ATMIN: variants seen among roughly 807,000 people sequenced by gnomAD.
The protein encoded by ATMIN is ATM interactor.
Under a neutral mutation model 49.2 loss-of-function variants are expected in ATMIN, and 24 were observed. The ratio of observed to expected loss-of-function variants is 0.49; its 90% CI spans 0.35 to 0.69. The LOEUF is 0.69. Ranked by LOEUF, ATMIN falls within the 30% of genes least tolerant of loss-of-function variation. ATMIN has a pLI of 0.00. For missense variants in ATMIN, 1,037 were observed against 1,005.5 expected (o/e 1.03, Z -0.42); for synonymous variants, 450 against 392.5 (o/e 1.15, Z -1.73).
At chr16:81,039,010 G>A (rs141777729) in intron 1 of ATMIN, among the ~76,000 whole-genome samples, 55 of 152,258 alleles carry the variant, frequency 3.6e-4, no homozygotes, top group Non-Finnish European at 1.5e-4. Flanking sequence ...TGGTCGGGCT[G>A]GTCTTGAACT....
At position 81,041,358 on chromosome 16, in the gene ATMIN, T is replaced by C; in HGVS notation, c.339T>C (p.Asp113=). 6.2e-7 allele frequency: 1 copy of C among 1,602,836 alleles called. No homozygotes were observed. The highest frequency in any genetic ancestry group is 8.5e-7 in the Non-Finnish European group (1 of 1,177,246). The part of the protein sequence containing the change: ...MHLVKSHRLQ[D]GIVNPTIRKD... ...TTAAAGTAATTTTCCTTTTGCAGGA[T>C]GGCATAGTCAATCCAACAATAAGAA... The change falls in exon 2 of 4, where the codon GAT becomes GAC. Residue 113 remains aspartate, a splice_region_variant and synonymous_variant. Coordinates refer to ENST00000299575, the MANE Select transcript of ATMIN (RefSeq NM_015251.3).
Position 81,044,008 on chromosome 16 carries a change from G to T in ATMIN, c.1510G>T (p.Asp504Tyr). ...CAGTGGGATAGAAAGTCCAACGGATGACCATGTACAGATGGACCAAGCTGG... is the reference window on the plus strand; with the variant it reads ...CAGTGGGATAGAAAGTCCAACGGATTACCATGTACAGATGGACCAAGCTGG... ...QTSGIESPTD[D>Y]HVQMDQAGMC... The change falls in exon 4 of 4, where the codon GAC becomes TAC. Residue 504 changes from aspartate (D) to tyrosine (Y), a missense_variant. By Grantham distance (160) the Asp-to-Tyr change is radical. Transcript: ENST00000299575. 1 of 1,614,164 alleles carries T rather than the reference G, an allele frequency of 6.2e-7. No individual in the cohort carries two copies. The highest frequency in any genetic ancestry group is 1.1e-5 in the South Asian group (1 of 91,028).
intron 1 of ATMIN, among the ~76,000 whole-genome samples, chr16:81,037,741 T>G (rs996351749): frequency 6.6e-6 from 1 of 151,676 alleles, no homozygotes; most frequent in Non-Finnish European, 1.5e-5. Context: ...GTTCAAGCAG[T>G]TCTCCTGCCT....
At position 81,046,163 on chromosome 16, in the gene ATMIN, T is replaced by G. The variant is rs568746907; in HGVS notation, c.*1193T>G. The G allele has an allele frequency of 2.6e-5, 4 of 152,078 alleles. No homozygotes were observed. The highest frequency in any genetic ancestry group is 1.3e-4 in the Admixed American group (2 of 15,262). 9.4% of individuals were successfully genotyped at this position (152,078 alleles called of 1,614,324 possible). A position where few individuals can be genotyped will look rare whatever the true frequency, so the allele number is the denominator to read the frequency against. ...CAGAGTTGGGGGCTCTGGAGCTGTT[T>G]CCCCAAGTGCATCCACAAGCTGGAT... On this transcript the variant is annotated 3_prime_UTR_variant, in exon 4 of 4. Transcript: ENST00000299575.
rs199884781 is a variant in ATMIN, at chr16:81,044,847, C to A, written c.2349C>A (p.Asn783Lys). The part of the protein sequence containing the change: ...ETLGSLFFTS[N>K]ETQTAMDDFL... ...TGGGGAGCTTGTTCTTCACCAGCAA[C>A]GAAACTCAGACAGCAATGGATGACT... Residue 783 changes from asparagine (N) to lysine (K), a missense_variant, in exon 4 of 4, where the codon AAC becomes AAA. Transcript: ENST00000299575. The A allele has an allele frequency of 1.9e-6, 3 of 1,614,150 alleles. No individual in the cohort carries two copies. The highest frequency in any genetic ancestry group is 2.5e-6 in the Non-Finnish European group (3 of 1,180,030).
rs1349304286 is a variant in ATMIN at position 81,044,573 on chromosome 16, CT to C, written c.2076del (p.Asn693ThrfsTer3). 6.2e-7 allele frequency: 1 copy of C among 1,613,884 alleles called. No individual in the cohort carries two copies. Among genetic ancestry groups the C allele is most frequent in the Non-Finnish European group, 8.5e-7 (1 of 1,179,992 alleles). ...CAGTCCTATGGGTGTAGGGGAAATTCTAACTTCTTAGGCCTTGAGATGTTTG... is the reference window on the plus strand; with the variant it reads ...CAGTCCTATGGGTGTAGGGGAAATTCAACTTCTTAGGCCTTGAGATGTTTG... The part of the protein sequence containing the change: ...SAQSYGCRGN[S>X]NFLGLEMFDT... On this transcript the variant is annotated frameshift_variant, in exon 4 of 4. Coordinates refer to ENST00000299575, the MANE Select transcript of ATMIN (RefSeq NM_015251.3). LOFTEE classifies it high-confidence loss of function.
intron 1 of ATMIN, among the ~76,000 whole-genome samples, 194 bp downstream of exon 1, chr16:81,036,400 T>TG (rs1491452407): frequency 5.9e-5 from 9 of 151,720 alleles, no homozygotes; most frequent in South Asian, 2.1e-4. Flanking sequence ...GTGCGGCCTC[T>TG]GGGGGGGAGG....
Position 81,044,947 on chromosome 16 carries a change from CCA to C in ATMIN, c.2456_2457del (p.Thr819SerfsTer39). On this transcript the variant is annotated frameshift_variant, in exon 4 of 4. Transcript: ENST00000299575. LOFTEE classifies it high-confidence loss of function. ...SSVETQTSAE[P>X]HTVSNF ...TGTAGAAACCCAGACTTCTGCGGAACCACACACAGTCTCCAACTTCTAAAACT... is the reference window on the plus strand; with the variant it reads ...TGTAGAAACCCAGACTTCTGCGGAACCACACAGTCTCCAACTTCTAAAACT... The C allele has an allele frequency of 1.9e-6, 3 of 1,613,354 alleles. No individual in the cohort carries two copies. The highest frequency in any genetic ancestry group is 2.5e-6 in the Non-Finnish European group (3 of 1,179,360).
intron 1 of ATMIN, chr16:81,037,224 G>T: frequency 1.0e-6 from 1 of 985,466 alleles, no homozygotes; most frequent in Non-Finnish European, 1.2e-6. Flanking sequence ...GCAAGTCATT[G>T]AAAGCAGTTC....
intron 1 of ATMIN, chr16:81,040,794 A>T (rs936984350): frequency 6.4e-6 from 1 of 155,078 alleles, no homozygotes; most frequent in Admixed American, 6.3e-5. Flanking sequence ...GAGAAAGGTG[A>T]ATCTGATAAA....
At chr16:81,041,560 G>T in intron 2 of ATMIN, 79 bp downstream of exon 2, 1 of 1,516,154 alleles carries the variant, frequency 6.6e-7, no homozygotes, top group East Asian at 2.3e-5. Flanking sequence ...CATAACTACA[G>T]AATTGAGTAG....
Position 81,047,204 on chromosome 16 carries a change from G to C in ATMIN, c.*2234G>C, listed in dbSNP as rs887351979. Reference sequence around the variant, plus strand: ...TGAACCTGAATTATTTGTAAAAACTGAAATTTAATGATTAAAGAGAAGCCA... The same window carrying C: ...TGAACCTGAATTATTTGTAAAAACTCAAATTTAATGATTAAAGAGAAGCCA... On this transcript the variant is annotated 3_prime_UTR_variant, in exon 4 of 4. Coordinates refer to ENST00000299575, the MANE Select transcript of ATMIN (RefSeq NM_015251.3). 3 of 152,318 alleles carry C rather than the reference G, an allele frequency of 2.0e-5. No individual in the cohort carries two copies. Among genetic ancestry groups the C allele is most frequent in the Non-Finnish European group, 4.4e-5 (3 of 68,036 alleles). The allele number at this position is 152,318 out of a possible 1,614,324, so 9.4% of individuals were successfully genotyped here. A position where few individuals can be genotyped will look rare whatever the true frequency, so the allele number is the denominator to read the frequency against.
In ATMIN at chr16:81,043,304, C is replaced by T. The variant is rs1442003585; in HGVS notation, c.806C>T (p.Pro269Leu). The change falls in exon 4 of 4, where the codon CCA (proline) becomes CTA (leucine). Residue 269 changes from proline to leucine, a missense_variant. Transcript: ENST00000299575. ...GAAGCTTCAGAAATAAAGCTAGAAC[C>T]ATCTTTTGAAGACTCTTGTGGCTCT... ...ELEASEIKLEPSFEDSCGSNT... is the reference protein window; with the variant it reads ...ELEASEIKLELSFEDSCGSNT... 1.9e-6 allele frequency: 3 copies of T among 1,614,114 alleles called. No homozygotes were observed. Among genetic ancestry groups the T allele is most frequent in the Non-Finnish European group, 2.5e-6 (3 of 1,180,014 alleles).
intron 1 of ATMIN, among the ~76,000 whole-genome samples, chr16:81,039,497 G>A (rs1346579088): frequency 6.6e-6 from 1 of 152,154 alleles, no homozygotes; most frequent in Non-Finnish European, 1.5e-5. Context: ...AAACTGTAGA[G>A]TATGTGCCGC....
In ATMIN at chr16:81,041,595, C is replaced by T. The variant is rs1451392568; in HGVS notation, c.462+114C>T. On this transcript the variant is annotated intron_variant, in intron 2 of 3. Coordinates refer to ENST00000299575, the MANE Select transcript of ATMIN (RefSeq NM_015251.3). Reference sequence around the variant, plus strand: ...GACAGCTGCTTGTGAGGGGAGATGCCTGCGTGTCTCCCAGTTGGTATAAAC... The same window carrying T: ...GACAGCTGCTTGTGAGGGGAGATGCTTGCGTGTCTCCCAGTTGGTATAAAC... 8 of 1,322,384 alleles carry T rather than the reference C, an allele frequency of 6.0e-6. No homozygotes were observed. In the Admixed American group the frequency reaches 2.0e-4, roughly 32 times the overall value. 81.9% of individuals were successfully genotyped at this position (1,322,384 alleles called of 1,614,324 possible).
chr16:81,041,114 T>A, intron 1 of ATMIN: 1 of 398,378 alleles, frequency 2.5e-6, no homozygotes, highest in East Asian at 5.3e-5. Flanking sequence ...GGAATGTAAA[T>A]TGACTAAGAG....
Position 81,044,902 on chromosome 16 carries a change from A to G in ATMIN, c.2404A>G (p.Met802Val). The change falls in exon 4 of 4, where the codon ATG becomes GTG. Residue 802 changes from methionine to valine, a missense_variant. Coordinates refer to ENST00000299575, the MANE Select transcript of ATMIN (RefSeq NM_015251.3). ...FLLADLAWNT[M>V]ESQFSSVETQ... ...TCTGGCTGATCTGGCCTGGAACACG[A>G]TGGAGTCTCAGTTCAGCTCTGTAGA... 1 of 1,614,108 alleles carries G rather than the reference A, an allele frequency of 6.2e-7. No homozygotes were observed. The highest frequency in any genetic ancestry group is 2.2e-5 in the East Asian group (1 of 44,888).
At position 81,036,171 on chromosome 16, in the gene ATMIN, C is replaced by T. The variant is rs1442078697; in HGVS notation, c.301C>T (p.Leu101Phe). 14 of 1,474,922 alleles carry T rather than the reference C, an allele frequency of 9.5e-6. No individual in the cohort carries two copies. The highest frequency in any genetic ancestry group is 2.9e-5 in the East Asian group (1 of 34,078). 91.4% of individuals were successfully genotyped at this position (1,474,922 alleles called of 1,614,324 possible). A position where few individuals can be genotyped will look rare whatever the true frequency, so the allele number is the denominator to read the frequency against. ...CGKILPNSPA[L>F]NMHLVKSHRL... ...CAAGATCCTGCCCAACAGCCCCGCG[C>T]TCAACATGCACCTAGTCAAGAGCCA... Residue 101 changes from leucine to phenylalanine, a missense_variant, in exon 1 of 4, where the codon CTC becomes TTC. Coordinates refer to ENST00000299575, the MANE Select transcript of ATMIN (RefSeq NM_015251.3).
In ATMIN at chr16:81,044,562, T is replaced by C; in HGVS notation, c.2064T>C (p.Cys688=). 3.7e-6 allele frequency: 6 copies of C among 1,613,924 alleles called. No individual in the cohort carries two copies. The highest frequency in any genetic ancestry group is 4.2e-6 in the Non-Finnish European group (5 of 1,179,948). The change falls in exon 4 of 4, where the codon TGT becomes TGC. Residue 688 remains cysteine, a synonymous_variant. Coordinates refer to ENST00000299575, the MANE Select transcript of ATMIN (RefSeq NM_015251.3). ...LADTSAQSYG[C]RGNSNFLGLE... is the part of the protein sequence containing the mutation. ...ATACCTCTGCTCAGTCCTATGGGTG[T>C]AGGGGAAATTCTAACTTCTTAGGCC...
Sources: allele counts gnomAD v4.1 joint callset (sites outside exome capture counted in the v4.1 genomes callset), GRCh38; gene constraint gnomAD v4.1.1; transcripts MANE v1.5; gene names NCBI Gene and HGNC (gene_info 2026-07-23, HGNC 2026-07-21).